ANKAR: variants seen among roughly 807,000 people sequenced by gnomAD.
The protein encoded by ANKAR is ankyrin and armadillo repeat containing, also known as ankyrin and armadillo repeat-containing protein.
ANKAR carries 136 observed loss-of-function variants against 146.2 expected under a neutral mutation model. The observed-to-expected ratio is 0.93, with a 90% CI of 0.81 to 1.07. The LOEUF (loss-of-function observed/expected upper bound fraction) is 1.07. ANKAR is among the 50% of genes least tolerant of loss of function. ANKAR has a pLI of 0.00. For synonymous variants in ANKAR, 500 were observed against 575.8 expected, an observed-to-expected ratio of 0.87 and a Z score of 1.88; for missense variants, 1,567 against 1,679.9, an observed-to-expected ratio of 0.93 and a Z score of 1.18.
intron 1 of ANKAR, chr2:189,675,909 T>A (rs948754556): frequency 6.5e-6 from 1 of 152,744 alleles, no homozygotes; most frequent in Non-Finnish European, 1.5e-5. Context: ...CACCTCCCCT[T>A]TCTCTCTATT....
intron 18 of ANKAR, chr2:189,754,480 T>TC (rs2045768274): frequency 1.3e-6 from 1 of 785,906 alleles, no homozygotes; most frequent in African/African-American, 1.8e-5. Flanking sequence ...CTTTGGCAAA[T>TC]ATAGACTATA....
chr2:189,689,864 A>G lies in ANKAR; in HGVS notation c.939A>G (p.Ile313Met). The G allele has an allele frequency of 1.3e-6, 2 of 1,594,680 alleles. No individual in the cohort carries two copies. Among genetic ancestry groups the G allele is most frequent in the Non-Finnish European group, 1.7e-6 (2 of 1,172,896 alleles). Reference sequence around the variant, plus strand: ...AGAAAAAAGATATCAGAAGAGGGATAGGATACCTAAAGTTAATATGTTTTC... The same window carrying G: ...AGAAAAAAGATATCAGAAGAGGGATGGGATACCTAAAGTTAATATGTTTTC... Reference protein sequence around the residue: ...FEKKKDIRRGIGYLKLICFLI... With the variant: ...FEKKKDIRRGMGYLKLICFLI... The change falls in exon 3 of 23, where the codon ATA becomes ATG. Residue 313 changes from isoleucine to methionine, a missense_variant. Physicochemically the swap from Ile to Met is conservative, Grantham distance 10 (BLOSUM62 1). Transcript: ENST00000684021.
intron 12 of ANKAR, among the ~76,000 whole-genome samples, chr2:189,722,326 G>A (rs539770295): frequency 6.9e-5 from 7 of 101,906 alleles, no homozygotes; most frequent in South Asian, 7.2e-4. Context: ...GCAACAGAGC[G>A]AGACTCCATC....
rs774543927 is a variant in ANKAR, at chr2:189,676,788, G to T, written c.298G>T (p.Val100Phe). The change falls in exon 2 of 23, where the codon GTC becomes TTC. Residue 100 changes from valine (V) to phenylalanine (F), a missense_variant. Val to Phe is a conservative substitution (Grantham distance 50, BLOSUM62 -1). Transcript: ENST00000684021. ...TACTGCCCTCTTAGACTATAGAGAG[G>T]TCCATCAAATGATAAGAGAGTTGGC... is the stretch of plus-strand genomic sequence containing the variant. ...DPTALLDYRE[V>F]HQMIRELAIG... 1 of 1,614,120 alleles carries T rather than the reference G, an allele frequency of 6.2e-7. No individual in the cohort carries two copies. The highest frequency in any genetic ancestry group is 8.5e-7 in the Non-Finnish European group (1 of 1,180,024).
intron 18 of ANKAR, among the ~76,000 whole-genome samples, chr2:189,738,107 G>T (rs1203534676): frequency 1.3e-5 from 2 of 152,056 alleles, no homozygotes; most frequent in African/African-American, 4.8e-5. Flanking sequence ...TGACAATCAG[G>T]TAGTATTATT....
At chr2:189,743,960 A>T (rs1171898451) in intron 21 of ANKAR, among the ~76,000 whole-genome samples, 1 of 152,190 alleles carries the variant, frequency 6.6e-6, no homozygotes, top group Non-Finnish European at 1.5e-5. Context: ...ATTTTGACTC[A>T]ATGTTGTGGT....
At chr2:189,750,643 C>T (rs2045024577), downstream of ANKAR, 1 of 1,583,290 alleles carries the variant, frequency 6.3e-7, no homozygotes, top group Non-Finnish European at 8.6e-7. Flanking sequence ...GATATGTCTA[C>T]TCCAAGAGGA....
At chr2:189,760,134 A>C (rs1305798473) in intron 18 of ANKAR, among the ~76,000 whole-genome samples, 1 of 152,232 alleles carries the variant, frequency 6.6e-6, no homozygotes, top group East Asian at 1.9e-4. Flanking sequence ...ATAGAACAAA[A>C]TGGAGTCTCC....
Position 189,696,882 on chromosome 2 carries a change from T to C in ANKAR, c.1708+513T>C, listed in dbSNP as rs13402833. Reference sequence around the variant, plus strand: ...AATAGTTTCTTTATATTACATATATTTAAATTACATTTAATAACAAAAAAT... The same window carrying C: ...AATAGTTTCTTTATATTACATATATCTAAATTACATTTAATAACAAAAAAT... On this transcript the variant is annotated intron_variant, in intron 7 of 22. Transcript: ENST00000684021. Among the ~76,000 whole-genome samples, 401 of 152,304 alleles carry C rather than the reference T, an allele frequency of 2.6e-3. 4 individuals carry two copies. The highest frequency in any genetic ancestry group is 9.2e-3 in the African/African-American group (381 of 41,578).
At chr2:189,742,117 AGT>A (rs1460320131) in intron 20 of ANKAR, among the ~76,000 whole-genome samples, 2 of 152,186 alleles carry the variant, frequency 1.3e-5, no homozygotes, top group Non-Finnish European at 2.9e-5. Flanking sequence ...GGTCTAAAGC[AGT>A]GTTACTCCAC....
intron 18 of ANKAR, among the ~76,000 whole-genome samples, chr2:189,759,969 T>C (rs1028345970): frequency 5.9e-5 from 9 of 152,208 alleles, no homozygotes; most frequent in African/African-American, 1.4e-4. Context: ...TCTTAACGAG[T>C]ATGCTGCCTT....
At chr2:189,748,169 CAGTGGGTGAGTG>C (rs1392316343), downstream of ANKAR, among the ~76,000 whole-genome samples, 1 of 152,144 alleles carries the variant, frequency 6.6e-6, no homozygotes, top group African/African-American at 2.4e-5. Context: ...AGTCCAAAGT[CAGTGGGTGAGTG>C]AGTGGGTGAA....
chr2:189,719,874 C>A, intron 11 of ANKAR, 61 bp downstream of exon 11: 1 of 1,448,710 alleles, frequency 6.9e-7, no homozygotes. Context: ...ATAGAAGTTA[C>A]AAAAATAGAA....
intron 10 of ANKAR, among the ~76,000 whole-genome samples, chr2:189,717,986 A>G (rs2040717740): frequency 6.6e-6 from 1 of 152,240 alleles, no homozygotes; most frequent in Non-Finnish European, 1.5e-5. Context: ...CACCTAGTGT[A>G]CATGACAAGT....
chr2:189,737,641 A>G, intron 17 of ANKAR, 42 bp from the exon 18 acceptor site: 1 of 1,543,582 alleles, frequency 6.5e-7, no homozygotes, highest in South Asian at 1.3e-5. Context: ...GAGTAACATG[A>G]TAAATGAAGT....
At chr2:189,705,829 TCTC>T (rs775274265) in intron 8 of ANKAR, among the ~76,000 whole-genome samples, 41 of 152,218 alleles carry the variant, frequency 2.7e-4, no homozygotes, top group South Asian at 1.2e-3. Context: ...AGGTGTAACT[TCTC>T]CTGAAGGTAC....
At chr2:189,714,682 C>T (rs982929019) in intron 10 of ANKAR, among the ~76,000 whole-genome samples, 5 of 151,920 alleles carry the variant, frequency 3.3e-5, no homozygotes, top group Non-Finnish European at 7.4e-5. Context: ...CATGGTGGCT[C>T]ATGCCTGTAA....
chr2:189,754,307 G>A, intron 18 of ANKAR: 1 of 1,613,500 alleles, frequency 6.2e-7, no homozygotes, highest in East Asian at 2.2e-5. Context: ...TCATGGTGGA[G>A]CACTCTGGAT....
chr2:189,716,620 C>G (rs1454032730), intron 10 of ANKAR, among the ~76,000 whole-genome samples: 5 of 69,588 alleles, frequency 7.2e-5, no homozygotes. Context: ...AAAAAAGAGC[C>G]CACATTGCCA....
Sources: gnomAD v4.1 joint callset for allele counts (sites outside exome capture counted in the v4.1 genomes callset) on GRCh38, gnomAD v4.1.1 for gene constraint, MANE v1.5 for transcripts, NCBI Gene and HGNC (gene_info 2026-07-23, HGNC 2026-07-21) for gene names.